The following HIF1A variants were observed in gnomAD, a reference collection of about 807,000 sequenced individuals.
HIF1A encodes the protein hypoxia-inducible factor 1-alpha.
Under a neutral mutation model 92.7 loss-of-function variants are expected in HIF1A, and 24 were observed. The observed-to-expected ratio is 0.26, with a 90% CI of 0.19 to 0.36. HIF1A has a LOEUF of 0.36. HIF1A is among the 10% of genes least tolerant of loss of function. HIF1A has a pLI of 1.00. For missense variants in HIF1A, 799 were observed against 998.5 expected, an observed-to-expected ratio of 0.80 and a Z score of 2.69; for synonymous variants, 319 against 338.7, an observed-to-expected ratio of 0.94 and a Z score of 0.64.
rs546866518 is a variant in HIF1A at position 61,695,554 on chromosome 14, C to T, written c.-251C>T. 2.6e-5 allele frequency: 15 copies of T among 579,416 alleles called. No homozygotes were observed. The highest frequency in any genetic ancestry group is 4.6e-5 in the Non-Finnish European group (15 of 327,190). 35.9% of individuals were successfully genotyped at this position (579,416 alleles called of 1,614,324 possible). A position where few individuals can be genotyped will look rare whatever the true frequency, so the allele number is the denominator to read the frequency against. ...TCGTCTGAGGGGACAGGAGGATCAC[C>T]CTCTTCGTCGCTTCGGCCAGTGTGT... On this transcript the variant is annotated 5_prime_UTR_variant, in exon 1 of 15. Transcript: ENST00000337138.
At chr14:61,721,256 A>C (rs561861181) in intron 2 of HIF1A, among the ~76,000 whole-genome samples, 262 of 152,250 alleles carry the variant, frequency 1.7e-3, no homozygotes, top group Non-Finnish European at 3.3e-3. Flanking sequence ...TAATAAAATA[A>C]ATAAATAAAT....
chr14:61,714,042 G>A (rs1213638618), intron 1 of HIF1A, among the ~76,000 whole-genome samples: 2 of 152,154 alleles, frequency 1.3e-5, no homozygotes, highest in African/African-American at 4.8e-5. Flanking sequence ...AGCTGTTGGA[G>A]AGTTTTTTCC....
intron 1 of HIF1A, among the ~76,000 whole-genome samples, chr14:61,709,724 AAATT>A (rs1281349985): frequency 6.6e-6 from 1 of 152,176 alleles, no homozygotes; most frequent in Non-Finnish European, 1.5e-5. Flanking sequence ...TTTGAATTTC[AAATT>A]AATTATACAG....
At position 61,695,696 on chromosome 14, in the gene HIF1A, T is replaced by A; in HGVS notation, c.-109T>A. ...GGGTTTCCCGCCTCGCACCCCCACC[T>A]CTGGACTTGCCTTTCCTTCTCTTCT... On this transcript the variant is annotated 5_prime_UTR_variant, in exon 1 of 15. Coordinates refer to ENST00000337138, the MANE Select transcript of HIF1A (RefSeq NM_001530.4). 1 of 1,253,400 alleles carries A rather than the reference T, an allele frequency of 8.0e-7. No individual in the cohort carries two copies. The highest frequency in any genetic ancestry group is 1.1e-6 in the Non-Finnish European group (1 of 894,058). The allele number at this position is 1,253,400 out of a possible 1,614,324, so 77.6% of individuals were successfully genotyped here.
rs1321218907 is a variant in HIF1A at position 61,747,620 on chromosome 14, A to C, written c.*535A>C. 1 of 152,552 alleles carries C rather than the reference A, an allele frequency of 6.6e-6. No homozygotes were observed. The highest frequency in any genetic ancestry group is 1.5e-5 in the Non-Finnish European group (1 of 67,992). 9.4% of individuals were successfully genotyped at this position (152,552 alleles called of 1,614,324 possible). ...TTCTGCGTTTATAAAACTAGTTTTTAAGAAGAAATTTTTTTTGGCCTATGA... is the reference window on the plus strand; with the variant it reads ...TTCTGCGTTTATAAAACTAGTTTTTCAGAAGAAATTTTTTTTGGCCTATGA... On this transcript the variant is annotated 3_prime_UTR_variant, in exon 15 of 15. Coordinates refer to ENST00000337138, the MANE Select transcript of HIF1A (RefSeq NM_001530.4).
chr14:61,720,236 C>T (rs2044410486), intron 1 of HIF1A, 146 bp from the exon 2 acceptor site: 5 of 571,090 alleles, frequency 8.8e-6, no homozygotes, highest in Non-Finnish European at 1.2e-5. Flanking sequence ...GTACATTAAT[C>T]TAGTAGACAA....
At chr14:61,742,290 T>C (rs530076352) in intron 12 of HIF1A, among the ~76,000 whole-genome samples, 2 of 152,242 alleles carry the variant, frequency 1.3e-5, no homozygotes, top group African/African-American at 4.8e-5. Flanking sequence ...TTCTCTACTA[T>C]GTCTAGACTA....
rs1325953517 is a variant in HIF1A, at chr14:61,721,496, G to C, written c.227-13G>C. Reference sequence around the variant, plus strand: ...TTTAACTAATTATTTTCCTCTTCTTGTGCCCTTTTTAGGTGATTTGGATAT... The same window carrying C: ...TTTAACTAATTATTTTCCTCTTCTTCTGCCCTTTTTAGGTGATTTGGATAT... On this transcript the variant is annotated splice_polypyrimidine_tract_variant and intron_variant, in intron 2 of 14. Coordinates refer to ENST00000337138, the MANE Select transcript of HIF1A (RefSeq NM_001530.4). 1 of 1,604,252 alleles carries C rather than the reference G, an allele frequency of 6.2e-7. No individual in the cohort carries two copies. Among genetic ancestry groups the C allele is most frequent in the Non-Finnish European group, 8.5e-7 (1 of 1,173,690 alleles).
chr14:61,727,762 C>T, intron 6 of HIF1A, 107 bp downstream of exon 6: 1 of 823,660 alleles, frequency 1.2e-6, no homozygotes, highest in Non-Finnish European at 2.0e-6. Flanking sequence ...GTGGCTCACA[C>T]CTGTAATCCC....
intron 13 of HIF1A, among the ~76,000 whole-genome samples, chr14:61,745,220 C>T (rs2044764243): frequency 6.6e-6 from 1 of 152,024 alleles, no homozygotes; most frequent in Admixed American, 6.6e-5. Flanking sequence ...GTCAGGAGTT[C>T]GAGACCAGCC....
chr14:61,742,622 A>G (rs1299137040), intron 12 of HIF1A, among the ~76,000 whole-genome samples: 2 of 152,158 alleles, frequency 1.3e-5, no homozygotes, highest in Admixed American at 6.5e-5. Context: ...GCAGTGGCTC[A>G]TCACTGTAAT....
At chr14:61,712,926 C>T (rs559985428) in intron 1 of HIF1A, among the ~76,000 whole-genome samples, 121 of 149,354 alleles carry the variant, frequency 8.1e-4, no homozygotes, top group African/African-American at 2.9e-3. Flanking sequence ...GTGATCAGTT[C>T]TACCAGAGAG....
At position 61,695,934 on chromosome 14, in the gene HIF1A, T is replaced by C. The variant is rs377192031; in HGVS notation, c.35+95T>C. 1.6e-4 allele frequency: 183 copies of C among 1,178,278 alleles called. 1 individual carries two copies. In the African/African-American group the frequency reaches 2.3e-3, roughly 15 times the overall value. 73.0% of individuals were successfully genotyped at this position (1,178,278 alleles called of 1,614,324 possible). On this transcript the variant is annotated intron_variant, in intron 1 of 14. Transcript: ENST00000337138. ...TGGGCCGGCCTCGGCGTTAATGGGA[T>C]TGGGGGGGGCAGCCTTTTTGTTTCT...
chr14:61,736,110 C>G (rs2044634193), intron 8 of HIF1A, among the ~76,000 whole-genome samples: 1 of 151,594 alleles, frequency 6.6e-6, no homozygotes. Context: ...TCCCAAGTAG[C>G]TGGGACTACA....
chr14:61,740,650 TATTAA>T (rs1325135202), intron 11 of HIF1A, 23 bp downstream of exon 11: 2 of 1,566,364 alleles, frequency 1.3e-6, no homozygotes. Flanking sequence ...ATTTGTTTTA[TATTAA>T]ATTTCATTAA....
chr14:61,720,018 T>C lies in HIF1A; in HGVS notation c.36-364T>C, dbSNP rs73331620. On this transcript the variant is annotated intron_variant, in intron 1 of 14. Transcript: ENST00000337138. ...TAGCCTTAATCGTGGTTTCTCTGTA[T>C]TGAGACTACTTTTGAATTCTATGAA... is the stretch of plus-strand genomic sequence containing the variant. Among the ~76,000 whole-genome samples, 778 of 152,352 alleles carry C rather than the reference T, an allele frequency of 5.1e-3. 6 individuals carry two copies. Among genetic ancestry groups the C allele is most frequent in the African/African-American group, 0.018 (730 of 41,582 alleles).
intron 1 of HIF1A, among the ~76,000 whole-genome samples, chr14:61,701,790 C>T (rs765147906): frequency 1.2e-4 from 19 of 152,032 alleles, no homozygotes; most frequent in Non-Finnish European, 2.4e-4. Context: ...GAGTTCGAGA[C>T]CAGCCTGGCC....
At chr14:61,735,651 C>T (rs562840316) in intron 8 of HIF1A, among the ~76,000 whole-genome samples, 6 of 152,282 alleles carry the variant, frequency 3.9e-5, no homozygotes, top group Admixed American at 2.0e-4. Context: ...ACATTTAATA[C>T]GTTAATTAAA....
intron 6 of HIF1A, among the ~76,000 whole-genome samples, chr14:61,728,842 G>C (rs1476417872): frequency 6.6e-6 from 1 of 152,074 alleles, no homozygotes; most frequent in African/African-American, 2.4e-5. Context: ...GTGAAAATCA[G>C]ATCATGTCAT....
Sources: allele counts gnomAD v4.1 joint callset (sites outside exome capture counted in the v4.1 genomes callset), GRCh38; gene constraint gnomAD v4.1.1; transcripts MANE v1.5; gene names NCBI Gene and HGNC (gene_info 2026-07-23, HGNC 2026-07-21).